FANCD2: variants seen among roughly 807,000 people sequenced by gnomAD.
FANCD2 encodes the protein FA complementation group D2, also known as Fanconi anemia group D2 protein.
Under a neutral mutation model 192.3 loss-of-function variants are expected in FANCD2, and 131 were observed. The ratio of observed to expected loss-of-function variants is 0.68; its 90% confidence interval spans 0.59 to 0.79. The LOEUF (loss-of-function observed/expected upper bound fraction) is 0.79, where lower values mean the gene tolerates loss of function less well. Among genes scored for constraint, FANCD2 ranks in the 30% least tolerant of loss-of-function variants. The pLI is 0.00. For missense variants in FANCD2, 1,508 were observed against 1,701.6 expected (o/e 0.89, Z 2.00); for synonymous variants, 524 against 612.5 (o/e 0.86, Z 2.13).
intron 9 of FANCD2, chr3:10,040,400 C>G (rs542650475): frequency 9.6e-5 from 42 of 439,400 alleles, no homozygotes; most frequent in African/African-American, 8.3e-4. Context: ...GATTAGATAT[C>G]TAAATTTGGC....
rs1207789124 is a variant in FANCD2 at position 10,088,967 on chromosome 3, C to T, written c.3683+17C>T. 3.7e-6 allele frequency: 6 copies of T among 1,613,682 alleles called. No individual in the cohort carries two copies. In the East Asian group the frequency reaches 1.1e-4, roughly 30 times the overall value. ...ACTGACCAGGTAAGGGAGTTCTTTC[C>T]TCCAGTTTTTCCCTTAAGATAGAAT... On this transcript the variant is annotated intron_variant, in intron 36 of 43. Coordinates refer to ENST00000675286, the MANE Select transcript of FANCD2 (RefSeq NM_001018115.3).
chr3:10,043,086 C>T lies in FANCD2; in HGVS notation c.925C>T (p.His309Tyr), dbSNP rs749133639. 1 of 1,614,092 alleles carries T rather than the reference C, an allele frequency of 6.2e-7. No individual in the cohort carries two copies. Among genetic ancestry groups the T allele is most frequent in the East Asian group, 2.2e-5 (1 of 44,868 alleles). ...SELREKLDLQ[H>Y]CVLPSRLQAS... ...GCTTCGGGAGAAGTTGGATCTGCAG[C>T]ATTGTGTTTTGCCATCACGGTTACA... The change falls in exon 12 of 44, where the codon CAT (histidine) becomes TAT (tyrosine). Residue 309 changes from histidine to tyrosine, a missense_variant. This residue lies in a region of FANCD2 where 435 missense variants were observed against 421.9 expected (regional missense o/e 1.03). Transcript: ENST00000675286.
chr3:10,032,152 T>A (rs1034128416), intron 2 of FANCD2: 5 of 215,580 alleles, frequency 2.3e-5, no homozygotes, highest in African/African-American at 7.1e-5. Context: ...GTCGGAAATA[T>A]GCATTTTAAT....
intron 19 of FANCD2, among the ~76,000 whole-genome samples, chr3:10,061,439 G>A (rs919486996): frequency 1.3e-5 from 2 of 152,218 alleles, no homozygotes; most frequent in East Asian, 1.9e-4. Context: ...AGTTCAGTCA[G>A]TGAAGCCATA....
intron 37 of FANCD2, among the ~76,000 whole-genome samples, chr3:10,090,935 T>G (rs1230325034): frequency 6.6e-6 from 1 of 151,902 alleles, no homozygotes; most frequent in Non-Finnish European, 1.5e-5. Context: ...TACTGCCCAG[T>G]TTGCCTCCTG....
At chr3:10,075,487 T>A (rs935036342) in intron 29 of FANCD2, among the ~76,000 whole-genome samples, 5 of 152,128 alleles carry the variant, frequency 3.3e-5, no homozygotes. Flanking sequence ...CCCGGCCCCA[T>A]AGCTTTATTG....
At chr3:10,072,700 C>T (rs761393012) in intron 26 of FANCD2, among the ~76,000 whole-genome samples, 171 bp from the exon 27 acceptor site, 6 of 152,144 alleles carry the variant, frequency 3.9e-5, no homozygotes, top group African/African-American at 7.2e-5. Flanking sequence ...TTATCTCTGG[C>T]CATTTTGCTA....
At chr3:10,088,332 G>A (rs927603832) in intron 34 of FANCD2, 117 bp from the exon 35 acceptor site, 20 of 776,380 alleles carry the variant, frequency 2.6e-5, no homozygotes, top group South Asian at 2.8e-5. Context: ...GACCGGGAAC[G>A]TCTTAGTAAA....
chr3:10,028,883 C>T (rs1166996698), intron 2 of FANCD2, among the ~76,000 whole-genome samples, 162 bp downstream of exon 2: 1 of 152,106 alleles, frequency 6.6e-6, no homozygotes, highest in Admixed American at 6.6e-5. Flanking sequence ...GAGTTTTTGC[C>T]TCGAATTCTG....
At position 10,029,609 on chromosome 3, in the gene FANCD2, T is replaced by G. The variant is rs570622883; in HGVS notation, c.64+888T>G. Among the ~76,000 whole-genome samples the G allele has an allele frequency of 3.9e-5, 6 of 152,330 alleles. No homozygotes were observed. The South Asian group carries it at 1.2e-3, about 32-fold the overall frequency. ...TTTGTTTTTATTTTACTAGGTTTTT[T>G]GGGAACAGGTGGTGTTCGGTTACAT... On this transcript the variant is annotated intron_variant, in intron 2 of 43. Coordinates refer to ENST00000675286, the MANE Select transcript of FANCD2 (RefSeq NM_001018115.3).
chr3:10,062,201 A>C lies in FANCD2; in HGVS notation c.1817A>C (p.Gln606Pro). ...TQERANLSDE[Q>P]CTQVTSLLQL... is the part of the protein sequence containing the mutation. ...GAGAGAGCCAACCTGAGCGATGAGC[A>C]GTGCACACAGGTGAGTTCTTTTTTT... Residue 606 changes from glutamine (Q) to proline (P), a missense_variant, in exon 20 of 44, where the codon CAG becomes CCG. By Grantham distance (76) the Gln-to-Pro change is moderately conservative. Around this residue, in one of 5 missense-constraint regions of FANCD2, gnomAD observed 110 missense variants for 114.4 expected, o/e 0.96. Transcript: ENST00000675286. 1 of 1,612,466 alleles carries C rather than the reference A, an allele frequency of 6.2e-7. No homozygotes were observed. Among genetic ancestry groups the C allele is most frequent in the Non-Finnish European group, 8.5e-7 (1 of 1,179,044 alleles).
chr3:10,054,735 G>T (rs2087357875), intron 18 of FANCD2, among the ~76,000 whole-genome samples: 1 of 150,246 alleles, frequency 6.7e-6, no homozygotes, highest in African/African-American at 2.5e-5. Flanking sequence ...CGCCAGCCTC[G>T]GCCTCCCAAA....
intron 8 of FANCD2, 39 bp downstream of exon 8, chr3:10,039,396 T>C (rs1313139789): frequency 6.7e-7 from 1 of 1,483,478 alleles, no homozygotes; most frequent in East Asian, 2.3e-5. Flanking sequence ...TTAAAGAGTA[T>C]GTTTCTCATA....
intron 17 of FANCD2, among the ~76,000 whole-genome samples, chr3:10,051,258 G>T (rs1444455955): frequency 6.0e-5 from 9 of 149,882 alleles, no homozygotes; most frequent in African/African-American, 2.2e-4. Flanking sequence ...GTGGGCGCCT[G>T]TAGTCCCAGC....
intron 10 of FANCD2, 145 bp downstream of exon 10, chr3:10,041,855 TTTC>T (rs1357715789): frequency 7.4e-6 from 5 of 671,606 alleles, no homozygotes; most frequent in African/African-American, 3.8e-5. Flanking sequence ...TTTTTTTTTT[TTTC>T]CCCTCAATGA....
chr3:10,042,732 GACTA>G, intron 11 of FANCD2, 69 bp downstream of exon 11: 3 of 1,185,202 alleles, frequency 2.5e-6, no homozygotes, highest in Admixed American at 1.7e-5. Context: ...TCTGTCCCCA[GACTA>G]ACTGAGAATA....
rs1230933346 is a variant in FANCD2 at position 10,101,422 on chromosome 3, G to C, written c.*160G>C. 1.1e-5 allele frequency: 6 copies of C among 551,322 alleles called. No individual in the cohort carries two copies. Among genetic ancestry groups the C allele is most frequent in the Admixed American group, 6.9e-5 (2 of 28,828 alleles). 34.2% of individuals were successfully genotyped at this position (551,322 alleles called of 1,614,324 possible). On this transcript the variant is annotated 3_prime_UTR_variant, in exon 44 of 44. Transcript: ENST00000675286. Reference sequence around the variant, plus strand: ...TTTTTTAAAGACGGGGACTCGCTGTGTTTCCCAGGCTGGAGTGCAGTGCTG... The same window carrying C: ...TTTTTTAAAGACGGGGACTCGCTGTCTTTCCCAGGCTGGAGTGCAGTGCTG...
chr3:10,046,479 T>G (rs1386597616), intron 14 of FANCD2, 101 bp from the exon 15 acceptor site: 3 of 1,560,556 alleles, frequency 1.9e-6, no homozygotes, highest in Non-Finnish European at 2.6e-6. Context: ...ATGAGCATTA[T>G]CCATTCTGTG....
intron 18 of FANCD2, among the ~76,000 whole-genome samples, chr3:10,054,429 G>GTATATACGTATATACA (rs2087329141): frequency 2.5e-4 from 12 of 48,042 alleles, no homozygotes; most frequent in African/African-American, 4.5e-4. Flanking sequence ...ATATATACAT[G>GTATATACGTATATACA]TATATACATG....
Sources: gnomAD v4.1 joint callset for allele counts (sites outside exome capture counted in the v4.1 genomes callset) on GRCh38, gnomAD v4.1.1 for gene constraint, gnomAD v4.1.1 regional missense constraint, MANE v1.5 for transcripts, NCBI Gene and HGNC (gene_info 2026-07-23, HGNC 2026-07-21) for gene names.